DOCK11: variants seen among roughly 807,000 people sequenced by gnomAD.
DOCK11 encodes the protein dedicator of cytokinesis 11, also known as dedicator of cytokinesis protein 11.
Under a neutral mutation model 169.1 loss-of-function variants are expected in DOCK11, and 70 were observed. That is an observed-to-expected ratio of 0.41 (90% confidence interval 0.34 to 0.51). DOCK11 has a LOEUF of 0.51. Among genes scored for constraint, DOCK11 ranks in the 20% least tolerant of loss-of-function variants. The pLI, the probability that DOCK11 is intolerant of heterozygous loss-of-function variation, is 0.10. For missense variants in DOCK11, 1,166 were observed against 1,538.8 expected, an observed-to-expected ratio of 0.76 and a Z score of 4.05; for synonymous variants, 529 against 541.3, an observed-to-expected ratio of 0.98 and a Z score of 0.32.
At chrX:118,514,738 G>A (rs764839163) in intron 1 of DOCK11, among the ~76,000 whole-genome samples, 3 of 112,154 alleles carry the variant, frequency 2.7e-5, no homozygotes, top group Non-Finnish European at 5.6e-5. Context: ...CTCCTCATCC[G>A]GGGATGCCCT....
intron 22 of DOCK11, among the ~76,000 whole-genome samples, chrX:118,598,384 C>G (rs1487564532): frequency 1.9e-5 from 2 of 104,759 alleles, no homozygotes; most frequent in African/African-American, 7.3e-5. Context: ...CAGAGTAAGA[C>G]CCTGTCTCTT....
At chrX:118,648,822 T>C (rs2015877135) in intron 40 of DOCK11, 123 bp from the exon 41 acceptor site, 2 of 553,236 alleles carry the variant, frequency 3.6e-6, no homozygotes, top group African/African-American at 4.8e-5. Context: ...GCCTGCCTTA[T>C]GTTGATTTTG....
chrX:118,647,626 A>G (rs1355353576), intron 40 of DOCK11, among the ~76,000 whole-genome samples: 1 of 61,409 alleles, frequency 1.6e-5, no homozygotes, highest in Non-Finnish European at 2.7e-5. Context: ...TATAAGATAT[A>G]TTATATGTTA....
chrX:118,664,226 A>C (rs1361126003), intron 45 of DOCK11, among the ~76,000 whole-genome samples: 1 of 111,262 alleles, frequency 9.0e-6, no homozygotes, highest in African/African-American at 3.3e-5. Flanking sequence ...GGTAGCTCTA[A>C]GATTTCAGGT....
rs868244186 is a variant in DOCK11, at chrX:118,684,260, C to T, written c.6102+1043C>T. Among the ~76,000 whole-genome samples the T allele has an allele frequency of 2.4e-3, 213 of 90,206 alleles. 1 individual carries two copies. Among genetic ancestry groups the T allele is most frequent in the African/African-American group, 7.3e-3 (175 of 23,886 alleles). The allele number at this position is 90,206 out of a possible 115,157, so 78.3% of individuals were successfully genotyped here. On this transcript the variant is annotated intron_variant, in intron 52 of 52. Transcript: ENST00000276202. ...CAAAAACTTCTTCAAGCTTTTTTTT[C>T]TTTTTTTTTTCTTTTTTTTTTTTTT...
chrX:118,620,228 C>T (rs1043387491), intron 31 of DOCK11, among the ~76,000 whole-genome samples: 1 of 111,728 alleles, frequency 9.0e-6, no homozygotes, highest in African/African-American at 3.3e-5. Context: ...TTTACTTCCA[C>T]GGTATCATAA....
chrX:118,576,261 A>G (rs1044047170), intron 12 of DOCK11, among the ~76,000 whole-genome samples: 7 of 111,650 alleles, frequency 6.3e-5, no homozygotes, highest in Admixed American at 5.7e-4. Flanking sequence ...GGGAGGGGCC[A>G]GCAAAGTGGG....
intron 28 of DOCK11, among the ~76,000 whole-genome samples, chrX:118,612,130 C>A (rs775916662): frequency 1.5e-4 from 17 of 111,971 alleles, no homozygotes; most frequent in Admixed American, 4.8e-4. Flanking sequence ...CAAAGCTCTT[C>A]ATTACTCTCA....
At chrX:118,540,224 C>A (rs1421418361) in intron 1 of DOCK11, among the ~76,000 whole-genome samples, 1 of 110,553 alleles carries the variant, frequency 9.0e-6, no homozygotes, top group Non-Finnish European at 1.9e-5. Context: ...ACTGTTTTTG[C>A]AATCTGTACT....
intron 1 of DOCK11, among the ~76,000 whole-genome samples, chrX:118,537,524 T>C (rs1398846338): frequency 8.9e-6 from 1 of 112,552 alleles, no homozygotes; most frequent in Non-Finnish European, 1.9e-5. Flanking sequence ...ATTATTCTTG[T>C]GTCTTACACA....
chrX:118,636,272 T>C, intron 35 of DOCK11, 74 bp from the exon 36 acceptor site: 2 of 589,528 alleles, frequency 3.4e-6, no homozygotes, highest in Non-Finnish European at 5.2e-6. Context: ...TGAAGCTACA[T>C]AGGACTTGGG....
chrX:118,644,934 G>T (rs2015618396), intron 40 of DOCK11, among the ~76,000 whole-genome samples: 1 of 111,784 alleles, frequency 8.9e-6, no homozygotes, highest in African/African-American at 3.3e-5. Flanking sequence ...CAATGTCAAA[G>T]GCAGTAAAAA....
intron 7 of DOCK11, among the ~76,000 whole-genome samples, chrX:118,561,994 C>T (rs1374333177): frequency 4.6e-5 from 5 of 109,061 alleles, no homozygotes; most frequent in African/African-American, 1.7e-4. Context: ...GGTGAAACCC[C>T]GTCTCTACTA....
chrX:118,510,503 G>T (rs966890906), intron 1 of DOCK11, among the ~76,000 whole-genome samples: 1 of 111,820 alleles, frequency 8.9e-6, no homozygotes, highest in African/African-American at 3.3e-5. Context: ...ATACAAGCTG[G>T]GCAGACACTT....
chrX:118,615,518 G>A (rs976016306), intron 29 of DOCK11, 82 bp from the exon 30 acceptor site: 90 of 803,082 alleles, frequency 1.1e-4, no homozygotes, highest in Middle Eastern at 4.3e-4. Context: ...CTTCCGTTGT[G>A]AAAAATAATG....
chrX:118,607,486 A>G (rs2147457233), intron 24 of DOCK11, among the ~76,000 whole-genome samples: 1 of 82,062 alleles, frequency 1.2e-5, no homozygotes, highest in South Asian at 7.2e-4. Flanking sequence ...CAGTGGCGTG[A>G]TCTTGGCTCA....
At chrX:118,578,736 C>G in intron 13 of DOCK11, 89 bp downstream of exon 13, 2 of 908,732 alleles carry the variant, frequency 2.2e-6, no homozygotes, top group Non-Finnish European at 3.0e-6. Context: ...TTTGAGCATG[C>G]TATATATTCT....
In DOCK11 at chrX:118,681,054, A is replaced by G; in HGVS notation, c.5672-4A>G. ...TCAGTAAATCAATCTTAACATTTTA[A>G]TAGCTTCAAACTCGTTTCCTTACGT... On this transcript the variant is annotated splice_polypyrimidine_tract_variant and splice_region_variant and intron_variant, in intron 49 of 52. Transcript: ENST00000276202. The G allele has an allele frequency of 8.7e-7, 1 of 1,153,343 alleles. No individual in the cohort carries two copies. The highest frequency in any genetic ancestry group is 3.4e-4 in the Middle Eastern group (1 of 2,948).
rs1433882425 is a variant in DOCK11 at position 118,584,819 on chromosome X, A to T, written c.1680A>T (p.Ser560=). The change falls in exon 15 of 53, where the codon TCA becomes TCT. Residue 560 remains serine (S), a synonymous_variant. Transcript: ENST00000276202. ...ATAAACAAGACAGTAGCAAGCTTTC[A>T]AGTGAAGACATTCTCAAGTTGCTCT... ...PLYKQDSSKL[S]SEDILKLLSE... is the part of the protein sequence containing the mutation. 3 of 1,199,626 alleles carry T rather than the reference A, an allele frequency of 2.5e-6. No homozygotes were observed. Among genetic ancestry groups the T allele is most frequent in the Non-Finnish European group, 3.4e-6 (3 of 890,437 alleles).
Sources: gnomAD v4.1 joint callset for allele counts (sites outside exome capture counted in the v4.1 genomes callset) on GRCh38, gnomAD v4.1.1 for gene constraint, MANE v1.5 for transcripts, NCBI Gene and HGNC (gene_info 2026-07-23, HGNC 2026-07-21) for gene names.